RUNDC3B: variants seen among roughly 807,000 people sequenced by gnomAD.
RUNDC3B encodes RUN domain-containing protein 3B.
RUNDC3B carries 33 observed loss-of-function variants against 58.4 expected under a neutral mutation model. The ratio of observed to expected loss-of-function variants is 0.56; its 90% CI spans 0.43 to 0.75. The LOEUF (loss-of-function observed/expected upper bound fraction) is 0.75. Among genes scored for constraint, RUNDC3B ranks in the 30% least tolerant of loss-of-function variants. The pLI is 0.00. For missense variants in RUNDC3B, 501 were observed against 535.7 expected, an observed-to-expected ratio of 0.94 and a Z score of 0.64; for synonymous variants, 193 against 195.2, an observed-to-expected ratio of 0.99 and a Z score of 0.10.
At chr7:87,674,895 G>A (rs1055247358) in intron 2 of RUNDC3B, among the ~76,000 whole-genome samples, 14 of 152,166 alleles carry the variant, frequency 9.2e-5, no homozygotes, top group African/African-American at 3.4e-4. Flanking sequence ...GCTCCCACAG[G>A]AGCATGGTAA....
intron 2 of RUNDC3B, among the ~76,000 whole-genome samples, chr7:87,689,156 T>C (rs905891736): frequency 3.9e-5 from 6 of 152,088 alleles, no homozygotes; most frequent in African/African-American, 1.4e-4. Context: ...ATAAATTCTA[T>C]TATTGATAAA....
At chr7:87,726,147 T>C (rs539203398) in intron 4 of RUNDC3B, among the ~76,000 whole-genome samples, 1 of 152,358 alleles carries the variant, frequency 6.6e-6, no homozygotes, top group African/African-American at 2.4e-5. Flanking sequence ...TTTGGTGGTT[T>C]AGACATGAAG....
chr7:87,791,892 A>G (rs1388464329), intron 8 of RUNDC3B, among the ~76,000 whole-genome samples: 2 of 152,088 alleles, frequency 1.3e-5, no homozygotes, highest in Non-Finnish European at 2.9e-5. Context: ...ATGTAAAGAG[A>G]CTAAACTCTC....
intron 8 of RUNDC3B, among the ~76,000 whole-genome samples, chr7:87,781,383 C>A (rs982406755): frequency 1.3e-5 from 2 of 151,068 alleles, no homozygotes; most frequent in African/African-American, 4.8e-5. Flanking sequence ...TAGGAGCCTG[C>A]TGGTGGCCGT....
intron 3 of RUNDC3B, among the ~76,000 whole-genome samples, chr7:87,707,735 TATC>T (rs1829736727): frequency 6.6e-6 from 1 of 152,064 alleles, no homozygotes; most frequent in Non-Finnish European, 1.5e-5. Context: ...TATACATTCT[TATC>T]ATACACCCAG....
chr7:87,735,780 T>C (rs1183575432), intron 4 of RUNDC3B, among the ~76,000 whole-genome samples: 1 of 152,202 alleles, frequency 6.6e-6, no homozygotes, highest in Admixed American at 6.5e-5. Context: ...CTTCCATTTG[T>C]CTCTATCTCA....
intron 8 of RUNDC3B, among the ~76,000 whole-genome samples, chr7:87,789,636 T>C (rs1177186353): frequency 6.6e-6 from 1 of 152,194 alleles, no homozygotes; most frequent in Non-Finnish European, 1.5e-5. Flanking sequence ...TTATATAATC[T>C]ACTGCCCATA....
intron 8 of RUNDC3B, among the ~76,000 whole-genome samples, chr7:87,797,104 A>G (rs946853782): frequency 6.6e-6 from 1 of 152,214 alleles, no homozygotes; most frequent in African/African-American, 2.4e-5. Flanking sequence ...ATTTTGTGAC[A>G]GTAACGGAAA....
rs190284965 is a variant in RUNDC3B at position 87,628,621 on chromosome 7, G to A, written c.-203G>A. 6.5e-6 allele frequency: 2 copies of A among 307,248 alleles called. No homozygotes were observed. Among genetic ancestry groups the A allele is most frequent in the African/African-American group, 2.5e-5 (1 of 39,858 alleles). 19.0% of individuals were successfully genotyped at this position (307,248 alleles called of 1,614,324 possible). A position where few individuals can be genotyped will look rare whatever the true frequency, so the allele number is the denominator to read the frequency against. On this transcript the variant is annotated 5_prime_UTR_variant, in exon 1 of 11. In the 5' UTR this introduces an upstream ATG that the reference lacks. Transcript: ENST00000394654. ...TGTGTGTGTGTGTGTGTGTGTGTGTGTGTGGAGCTCGGGTGCCAAGGGCGA... is the reference window on the plus strand; with the variant it reads ...TGTGTGTGTGTGTGTGTGTGTGTGTATGTGGAGCTCGGGTGCCAAGGGCGA...
intron 3 of RUNDC3B, among the ~76,000 whole-genome samples, chr7:87,702,172 AC>A (rs1291857651): frequency 4.2e-4 from 62 of 147,700 alleles, no homozygotes; most frequent in Non-Finnish European, 6.9e-4. Context: ...AAAAAAAAAA[AC>A]AGAGATACTT....
chr7:87,694,209 A>G (rs1393016655), intron 2 of RUNDC3B, among the ~76,000 whole-genome samples: 1 of 152,138 alleles, frequency 6.6e-6, no homozygotes, highest in Non-Finnish European at 1.5e-5. Flanking sequence ...AGTGCTGTAT[A>G]ATAATAAATA....
At chr7:87,705,774 G>T (rs1040524266) in intron 3 of RUNDC3B, among the ~76,000 whole-genome samples, 2 of 151,994 alleles carry the variant, frequency 1.3e-5, no homozygotes, top group African/African-American at 4.8e-5. Context: ...TGGGTCATAT[G>T]CTCTTATAAA....
chr7:87,673,320 T>C (rs1185491062), intron 2 of RUNDC3B, among the ~76,000 whole-genome samples: 1 of 152,228 alleles, frequency 6.6e-6, no homozygotes, highest in Non-Finnish European at 1.5e-5. Context: ...GTTTCCCAAT[T>C]TCCTTGCTTT....
At chr7:87,763,109 C>T (rs534276430) in intron 6 of RUNDC3B, among the ~76,000 whole-genome samples, 3 of 151,412 alleles carry the variant, frequency 2.0e-5, no homozygotes, top group Middle Eastern at 3.4e-3. Flanking sequence ...TTCTATGATA[C>T]CCCATTAATT....
intron 3 of RUNDC3B, among the ~76,000 whole-genome samples, chr7:87,704,284 G>A (rs1332091028): frequency 6.6e-6 from 1 of 152,024 alleles, no homozygotes; most frequent in Non-Finnish European, 1.5e-5. Context: ...TTTGGCTAAG[G>A]TTTAGGCTAA....
At chr7:87,687,026 A>G (rs1446778921) in intron 2 of RUNDC3B, among the ~76,000 whole-genome samples, 2 of 152,116 alleles carry the variant, frequency 1.3e-5, no homozygotes, top group East Asian at 3.9e-4. Context: ...GAAATGTAGC[A>G]CTTATTAAAG....
chr7:87,646,973 G>A (rs765188224), intron 1 of RUNDC3B, among the ~76,000 whole-genome samples: 3 of 152,072 alleles, frequency 2.0e-5, no homozygotes, highest in Non-Finnish European at 4.4e-5. Flanking sequence ...ATTCCATTGA[G>A]CTCCAGTTGC....
intron 6 of RUNDC3B, among the ~76,000 whole-genome samples, chr7:87,751,472 A>G (rs1207576810): frequency 2.0e-5 from 3 of 152,078 alleles, no homozygotes; most frequent in African/African-American, 4.8e-5. Context: ...ACCTTGGGCA[A>G]TATGGCCATT....
intron 2 of RUNDC3B, among the ~76,000 whole-genome samples, chr7:87,674,403 G>A (rs535505085): frequency 2.1e-4 from 32 of 152,194 alleles, no homozygotes; most frequent in African/African-American, 5.8e-4. Flanking sequence ...CCTTCATGTC[G>A]GTGGCAGTGT....
Sources: allele counts gnomAD v4.1 joint callset (sites outside exome capture counted in the v4.1 genomes callset), GRCh38; gene constraint gnomAD v4.1.1; transcripts MANE v1.5; gene names NCBI Gene and HGNC (gene_info 2026-07-23, HGNC 2026-07-21).